The following SYT9 variants were observed in gnomAD, a reference collection of about 807,000 sequenced individuals.
The protein encoded by SYT9 is synaptotagmin-9.
Under a neutral mutation model 48.4 loss-of-function variants are expected in SYT9, and 22 were observed. The observed-to-expected ratio is 0.45, with a 90% CI of 0.32 to 0.65. The LOEUF (loss-of-function observed/expected upper bound fraction) is 0.65. Ranked by LOEUF, SYT9 falls within the 30% of genes least tolerant of loss-of-function variation. SYT9 has a pLI of 0.03. For missense variants in SYT9, 577 were observed against 622.0 expected (o/e 0.93, Z 0.77); for synonymous variants, 265 against 245.0 (o/e 1.08, Z -0.76).
At chr11:7,440,067 C>G (rs1847800539) in intron 6 of SYT9, 1 of 152,258 alleles carries the variant, frequency 6.6e-6, no homozygotes, top group Non-Finnish European at 1.5e-5. Context: ...GCACTCCCAT[C>G]TAGACTCTCA....
intron 1 of SYT9, among the ~76,000 whole-genome samples, chr11:7,262,172 A>C (rs1218483145): frequency 6.6e-6 from 1 of 152,106 alleles, no homozygotes; most frequent in African/African-American, 2.4e-5. Context: ...TTACTAATAG[A>C]TGGATATTGA....
At position 7,398,295 on chromosome 11, in the gene SYT9, T is replaced by A. The variant is rs549764174; in HGVS notation, c.1045-17747T>A. On this transcript the variant is annotated intron_variant, in intron 3 of 6. Coordinates refer to ENST00000318881, the MANE Select transcript of SYT9 (RefSeq NM_175733.4). The stretch of plus-strand genomic sequence containing the variant: ...GCCAACCTTACATTCCCAGAATAAA[T>A]CTTACTTTTTCAGAATACATGTCCT... Among the ~76,000 whole-genome samples, 9 of 152,308 alleles carry A rather than the reference T, an allele frequency of 5.9e-5. No homozygotes were observed. In the South Asian group the frequency reaches 1.9e-3, roughly 32 times the overall value.
chr11:7,261,820 A>C (rs1396995310), intron 1 of SYT9, among the ~76,000 whole-genome samples: 1 of 152,134 alleles, frequency 6.6e-6, no homozygotes, highest in Non-Finnish European at 1.5e-5. Flanking sequence ...GGTTGGCAAA[A>C]AGAGAGTAGT....
intron 1 of SYT9, among the ~76,000 whole-genome samples, chr11:7,269,216 G>A (rs570037483): frequency 7.2e-5 from 11 of 152,042 alleles, no homozygotes; most frequent in Non-Finnish European, 1.2e-4. Context: ...AAATCAGTTG[G>A]GGGGGTGGGA....
intron 1 of SYT9, among the ~76,000 whole-genome samples, chr11:7,285,487 G>T (rs2133909632): frequency 6.6e-6 from 1 of 152,268 alleles, no homozygotes; most frequent in South Asian, 2.1e-4. Flanking sequence ...GGGATTATGG[G>T]AACTATGATT....
chr11:7,295,035 C>A (rs1292088019), intron 1 of SYT9, among the ~76,000 whole-genome samples: 1 of 152,208 alleles, frequency 6.6e-6, no homozygotes, highest in Non-Finnish European at 1.5e-5. Context: ...GTTTGTGGTT[C>A]ATACCTATAC....
At chr11:7,265,522 C>T (rs1405419970) in intron 1 of SYT9, among the ~76,000 whole-genome samples, 3 of 152,174 alleles carry the variant, frequency 2.0e-5, no homozygotes, top group African/African-American at 4.8e-5. Context: ...TTGCAAATGA[C>T]ATGCACTTAC....
chr11:7,243,445 A>G (rs1428617366), intron 1 of SYT9, among the ~76,000 whole-genome samples: 1 of 152,194 alleles, frequency 6.6e-6, no homozygotes. Flanking sequence ...CAGAGGCAAT[A>G]TAGTGGATCT....
intron 1 of SYT9, among the ~76,000 whole-genome samples, chr11:7,265,738 A>G (rs1206304232): frequency 6.6e-6 from 1 of 151,728 alleles, no homozygotes; most frequent in African/African-American, 2.4e-5. Flanking sequence ...TATTGGCACA[A>G]TTACTAATAA....
chr11:7,392,482 AC>A (rs1361580592), intron 3 of SYT9, among the ~76,000 whole-genome samples: 2 of 152,124 alleles, frequency 1.3e-5, no homozygotes, highest in African/African-American at 4.8e-5. Context: ...TTCTACCAGT[AC>A]CATATTCTTT....
In SYT9 at chr11:7,314,954, T is replaced by C. The variant is rs564439430; in HGVS notation, c.1044+1013T>C. Among the ~76,000 whole-genome samples the C allele has an allele frequency of 2.6e-5, 4 of 152,340 alleles. No individual in the cohort carries two copies. In the East Asian group the frequency reaches 7.7e-4, roughly 29 times the overall value. ...AATCTCTGCCTAATGACCAAATACC[T>C]GCACCAGTACCCTCTTATCCTCAGC... On this transcript the variant is annotated intron_variant, in intron 3 of 6. Transcript: ENST00000318881.
At chr11:7,449,295 C>T (rs1358763694) in intron 6 of SYT9, among the ~76,000 whole-genome samples, 1 of 136,390 alleles carries the variant, frequency 7.3e-6, no homozygotes, top group South Asian at 2.3e-4. Context: ...AGTGAGCCAG[C>T]CTGGGCAACA....
At position 7,260,673 on chromosome 11, in the gene SYT9, A is replaced by C. The variant is rs545430080; in HGVS notation, c.145+8342A>C. 3.9e-5 allele frequency among the ~76,000 whole-genome samples: 6 copies of C among 152,326 alleles called. No homozygotes were observed. In the East Asian group the frequency reaches 1.2e-3, roughly 29 times the overall value. Reference sequence around the variant, plus strand: ...CTGGTTCCTTATGGAAAATATACTCAGGTTACTGGCAAATATGTTCTTTCT... The same window carrying C: ...CTGGTTCCTTATGGAAAATATACTCCGGTTACTGGCAAATATGTTCTTTCT... On this transcript the variant is annotated intron_variant, in intron 1 of 6. Coordinates refer to ENST00000318881, the MANE Select transcript of SYT9 (RefSeq NM_175733.4).
At chr11:7,255,232 C>T (rs1453877569) in intron 1 of SYT9, among the ~76,000 whole-genome samples, 4 of 152,252 alleles carry the variant, frequency 2.6e-5, no homozygotes, top group South Asian at 2.1e-4. Context: ...GAACAGCAAG[C>T]GCAAAGGCCC....
At chr11:7,255,123 C>G (rs989503074) in intron 1 of SYT9, among the ~76,000 whole-genome samples, 3 of 152,178 alleles carry the variant, frequency 2.0e-5, no homozygotes, top group African/African-American at 4.8e-5. Context: ...CCATAGAAAG[C>G]AATTAGAATG....
intron 3 of SYT9, among the ~76,000 whole-genome samples, chr11:7,388,505 G>A (rs1431067816): frequency 6.6e-6 from 1 of 151,408 alleles, no homozygotes; most frequent in African/African-American, 2.4e-5. Flanking sequence ...TTCTGTTCTT[G>A]TATTTATTTC....
intron 3 of SYT9, among the ~76,000 whole-genome samples, chr11:7,376,095 G>T (rs1850446993): frequency 6.6e-6 from 1 of 151,960 alleles, no homozygotes; most frequent in Admixed American, 6.6e-5. Context: ...CTGAGTTCTA[G>T]AATGGCAACT....
At position 7,418,018 on chromosome 11, in the gene SYT9, C is replaced by T. The variant is rs138022597; in HGVS notation, c.1227C>T (p.Ser409=). 1.8e-5 allele frequency: 29 copies of T among 1,614,184 alleles called. No homozygotes were observed. The African/African-American group carries it at 3.2e-4, about 18-fold the overall frequency. The change falls in exon 5 of 7, where the codon TCC becomes TCT. Residue 409 remains serine, a synonymous_variant. Transcript: ENST00000318881. ...DGRRLKKRKT[S]TKRNTLNPVY... is the part of the protein sequence containing the mutation. The stretch of plus-strand genomic sequence containing the variant: ...GACGACTGAAGAAGAGGAAAACATC[C>T]ACCAAGAGGAACACCTTGAATCCTG...
At chr11:7,249,517 C>T (rs538731874), upstream of SYT9, among the ~76,000 whole-genome samples, 1 of 152,318 alleles carries the variant, frequency 6.6e-6, no homozygotes, top group Admixed American at 6.5e-5. Flanking sequence ...GTTTAACCAC[C>T]TGATTTTACT....
Sources: gnomAD v4.1 joint callset for allele counts (sites outside exome capture counted in the v4.1 genomes callset) on GRCh38, gnomAD v4.1.1 for gene constraint, MANE v1.5 for transcripts, NCBI Gene and HGNC (gene_info 2026-07-23, HGNC 2026-07-21) for gene names.